Variants in TXNDC16 observed in about 807,000 individuals in gnomAD.
TXNDC16 encodes the protein thioredoxin domain containing 16, also known as thioredoxin domain-containing protein 16.
TXNDC16 carries 74 observed loss-of-function variants against 85.6 expected under a neutral mutation model. The observed-to-expected ratio is 0.86, with a 90% CI of 0.72 to 1.05. The LOEUF is 1.05. Among genes scored for constraint, TXNDC16 ranks in the 50% least tolerant of loss-of-function variants. The pLI is 0.00. For synonymous variants in TXNDC16, 335 were observed against 326.5 expected (o/e 1.03, Z -0.28); for missense variants, 959 against 947.0 (o/e 1.01, Z -0.17).
chr14:52,483,764 T>C (rs2036202867), intron 12 of TXNDC16, among the ~76,000 whole-genome samples: 2 of 152,214 alleles, frequency 1.3e-5, no homozygotes, highest in African/African-American at 2.4e-5. Context: ...CATCCATCCA[T>C]CCATCCATCC....
chr14:52,547,031 G>C (rs2037954533), intron 1 of TXNDC16, among the ~76,000 whole-genome samples: 1 of 152,240 alleles, frequency 6.6e-6, no homozygotes, highest in African/African-American at 2.4e-5. Context: ...GAGGCTGGAA[G>C]ATAGATTAGT....
Position 52,455,482 on chromosome 14 carries a change from TA to T in TXNDC16, c.1704-21del. 6.2e-7 allele frequency: 1 copy of T among 1,612,618 alleles called. No homozygotes were observed. The highest frequency in any genetic ancestry group is 1.7e-5 in the Admixed American group (1 of 59,866). ...GTTGACCTATGGAGAAAGGCAGTATTAAAATTCACGATCAAAATCTAGCATG... is the reference window on the plus strand; with the variant it reads ...GTTGACCTATGGAGAAAGGCAGTATTAAATTCACGATCAAAATCTAGCATG... On this transcript the variant is annotated intron_variant, in intron 17 of 20. Transcript: ENST00000281741.
Position 52,536,628 on chromosome 14 carries a change from C to T in TXNDC16, c.392+91G>A, listed in dbSNP as rs377746728. The T allele has an allele frequency of 5.2e-5, 58 of 1,114,850 alleles. 1 individual carries two copies. The African/African-American group carries it at 7.4e-4, about 14-fold the overall frequency. 69.1% of individuals were successfully genotyped at this position (1,114,850 alleles called of 1,614,324 possible). ...TTGCCTACAAATATAATGTTAAAACCCTGAAATATTTTAATGAATTGTGGT... is the reference window on the plus strand; with the variant it reads ...TTGCCTACAAATATAATGTTAAAACTCTGAAATATTTTAATGAATTGTGGT... On this transcript the variant is annotated intron_variant, in intron 6 of 20. Coordinates refer to ENST00000281741, the MANE Select transcript of TXNDC16 (RefSeq NM_020784.3).
chr14:52,503,637 G>C (rs1471932175), intron 9 of TXNDC16, among the ~76,000 whole-genome samples: 1 of 152,174 alleles, frequency 6.6e-6, no homozygotes, highest in Non-Finnish European at 1.5e-5. Flanking sequence ...AAACAGAGCA[G>C]AAAAACTGGA....
intron 9 of TXNDC16, among the ~76,000 whole-genome samples, chr14:52,499,981 TTTAA>T (rs1294432929): frequency 7.2e-5 from 11 of 152,204 alleles, no homozygotes; most frequent in Non-Finnish European, 2.9e-5. Flanking sequence ...TTTATTGGGT[TTTAA>T]TTATTTTTCA....
chr14:52,470,217 AT>A (rs2035873385), intron 15 of TXNDC16, 44 bp from the exon 16 acceptor site: 1 of 1,438,758 alleles, frequency 7.0e-7, no homozygotes, highest in East Asian at 2.5e-5. Context: ...TTTTTAAGAT[AT>A]TTTCAGTTTG....
At chr14:52,542,171 CT>C (rs1290573569) in intron 4 of TXNDC16, among the ~76,000 whole-genome samples, 199 bp downstream of exon 4, 1 of 152,030 alleles carries the variant, frequency 6.6e-6, no homozygotes, top group Non-Finnish European at 1.5e-5. Flanking sequence ...TTTTAAACAG[CT>C]TTTTGTCCCC....
At chr14:52,490,541 T>G in intron 10 of TXNDC16, 90 bp from the exon 11 acceptor site, 1 of 1,003,498 alleles carries the variant, frequency 1.0e-6, no homozygotes, top group Non-Finnish European at 1.4e-6. Flanking sequence ...ACTACATTCT[T>G]ATACTAAAAA....
At chr14:52,530,110 TATTATATATATTTAC>T (rs1296115073) in intron 6 of TXNDC16, among the ~76,000 whole-genome samples, 1 of 95,780 alleles carries the variant, frequency 1.0e-5, no homozygotes, top group Non-Finnish European at 1.8e-5. Context: ...TATATATTTA[TATTATATATATTTAC>T]ATATTACAAT....
At chr14:52,452,772 A>G (rs1232698590) in intron 18 of TXNDC16, among the ~76,000 whole-genome samples, 12 of 152,182 alleles carry the variant, frequency 7.9e-5, no homozygotes, top group Non-Finnish European at 1.6e-4. Context: ...TAGACTGGGC[A>G]AAGACTTCTT....
At chr14:52,522,427 C>G (rs1205598752) in intron 6 of TXNDC16, among the ~76,000 whole-genome samples, 1 of 152,194 alleles carries the variant, frequency 6.6e-6, no homozygotes, top group East Asian at 1.9e-4. Context: ...ATATTATCAA[C>G]CTTGCTTTCC....
rs186548286 is a variant in TXNDC16 at position 52,526,320 on chromosome 14, G to C, written c.393-7027C>G. Among the ~76,000 whole-genome samples, 763 of 152,160 alleles carry C rather than the reference G, an allele frequency of 5.0e-3. 5 individuals carry two copies. Among genetic ancestry groups the C allele is most frequent in the African/African-American group, 0.017 (690 of 41,470 alleles). On this transcript the variant is annotated intron_variant, in intron 6 of 20. Transcript: ENST00000281741. ...AACACAAAAGGTACCAAAAAAGTTA[G>C]AGTCTACTTCATCCTCCACCCCCAG...
chr14:52,496,281 G>A (rs911368145), intron 9 of TXNDC16, among the ~76,000 whole-genome samples: 8 of 152,180 alleles, frequency 5.3e-5, no homozygotes. Flanking sequence ...GGAGGCACAC[G>A]ATAGTCACTG....
chr14:52,445,560 C>T (rs909751385), intron 18 of TXNDC16, among the ~76,000 whole-genome samples: 2 of 152,188 alleles, frequency 1.3e-5, no homozygotes, highest in African/African-American at 4.8e-5. Flanking sequence ...TCAGGTAACA[C>T]AGGTTACATT....
intron 16 of TXNDC16, among the ~76,000 whole-genome samples, chr14:52,461,579 C>G (rs935270340): frequency 6.6e-6 from 1 of 152,152 alleles, no homozygotes; most frequent in East Asian, 1.9e-4. Flanking sequence ...CATGTGGCAC[C>G]TGATGCCTAT....
intron 12 of TXNDC16, among the ~76,000 whole-genome samples, chr14:52,486,076 A>T (rs2036262719): frequency 6.6e-6 from 1 of 152,100 alleles, no homozygotes; most frequent in South Asian, 2.1e-4. Context: ...AAACTTAGTA[A>T]AGACCTATTT....
Position 52,490,446 on chromosome 14 carries a change from G to A in TXNDC16, c.929C>T (p.Ser310Phe). ...KAGVLLLLRD[S>F]LEVNIPQDAN... ...ATCTTGAGGAATGTTCACTTCCAAA[G>A]AGTCCCTTTTTCAAAATGGAAATAA... The change falls in exon 11 of 21, where the codon TCT (serine) becomes TTT (phenylalanine). Residue 310 changes from serine to phenylalanine, a missense_variant. By Grantham distance (155) the Ser-to-Phe change is radical (BLOSUM62 -2). Coordinates refer to ENST00000281741, the MANE Select transcript of TXNDC16 (RefSeq NM_020784.3). The A allele has an allele frequency of 6.3e-7, 1 of 1,598,336 alleles. No individual in the cohort carries two copies. The highest frequency in any genetic ancestry group is 8.5e-7 in the Non-Finnish European group (1 of 1,174,418).
At position 52,490,840 on chromosome 14, in the gene TXNDC16, T is replaced by C; in HGVS notation, c.922A>G (p.Arg308Gly). 6.2e-7 allele frequency: 1 copy of C among 1,607,734 alleles called. No homozygotes were observed. The highest frequency in any genetic ancestry group is 8.5e-7 in the Non-Finnish European group (1 of 1,178,538). Residue 308 changes from arginine (R) to glycine (G), a missense_variant and splice_region_variant, in exon 10 of 21, where the codon AGG (arginine) becomes GGG (glycine). Coordinates refer to ENST00000281741, the MANE Select transcript of TXNDC16 (RefSeq NM_020784.3). ...LGKAGVLLLL[R>G]DSLEVNIPQD... ...GTAAATATTCGATGTTTAAGATACCTTAACAAGAGTAGAACTCCTGCTTTT... is the reference window on the plus strand; with the variant it reads ...GTAAATATTCGATGTTTAAGATACCCTAACAAGAGTAGAACTCCTGCTTTT...
chr14:52,441,600 C>T (rs1231550942), intron 18 of TXNDC16, among the ~76,000 whole-genome samples: 2 of 149,884 alleles, frequency 1.3e-5, no homozygotes, highest in Non-Finnish European at 3.0e-5. Context: ...CAGAGTGAGA[C>T]TCTCAAAAAA....
Sources: gnomAD v4.1 joint callset for allele counts (sites outside exome capture counted in the v4.1 genomes callset) on GRCh38, gnomAD v4.1.1 for gene constraint, MANE v1.5 for transcripts, NCBI Gene and HGNC (gene_info 2026-07-23, HGNC 2026-07-21) for gene names.